C8orf34: variants seen among roughly 807,000 people sequenced by gnomAD.
C8orf34 encodes the protein uncharacterized protein C8orf34.
C8orf34 carries 65 observed loss-of-function variants against 68.3 expected under a neutral mutation model. The observed-to-expected ratio is 0.95, with a 90% CI of 0.78 to 1.17. The LOEUF is 1.17. C8orf34 is among the 50% of genes most tolerant of loss of function. C8orf34 has a pLI of 0.00. For missense variants in C8orf34, 664 were observed against 655.4 expected, an observed-to-expected ratio of 1.01 and a Z score of -0.14; for synonymous variants, 244 against 241.2, an observed-to-expected ratio of 1.01 and a Z score of -0.11.
rs1388904571 is a variant in C8orf34 at position 68,575,981 on chromosome 8, T to C, written c.1105+42832T>C. On this transcript the variant is annotated intron_variant, in intron 7 of 13. Coordinates refer to ENST00000518698, the MANE Select transcript of C8orf34 (RefSeq NM_052958.4). ...GTTTTTTTTTTTTTTTTTTTTTGCC[T>C]TTGCTACTTACCTTTTTTAATACAA... Among the ~76,000 whole-genome samples, 2 of 148,972 alleles carry C rather than the reference T, an allele frequency of 1.3e-5. 1 individual carries two copies. Among genetic ancestry groups the C allele is most frequent in the Non-Finnish European group, 3.0e-5 (2 of 67,158 alleles).
chr8:68,358,215 A>T (rs933369645), intron 1 of C8orf34, among the ~76,000 whole-genome samples: 1 of 152,052 alleles, frequency 6.6e-6, no homozygotes, highest in Non-Finnish European at 1.5e-5. Context: ...TTCTTACTAA[A>T]AAGATTTGTT....
rs1294750792 is a variant in C8orf34, at chr8:68,565,230, G to A, written c.1105+32081G>A. Among the ~76,000 whole-genome samples the A allele has an allele frequency of 7.9e-5, 12 of 152,134 alleles. 1 individual carries two copies. The highest frequency in any genetic ancestry group is 7.9e-4 in the Admixed American group (12 of 15,270). ...TTTTGGGTTTGTCTCTAGCACTGTA[G>A]TCGTGATGTTTTCAGAATTGGATCG... is the stretch of plus-strand genomic sequence containing the variant. On this transcript the variant is annotated intron_variant, in intron 7 of 13. Transcript: ENST00000518698.
chr8:68,741,220 TTAAAA>T (rs1262972231), intron 10 of C8orf34, among the ~76,000 whole-genome samples: 2 of 152,148 alleles, frequency 1.3e-5, no homozygotes, highest in Non-Finnish European at 2.9e-5. Flanking sequence ...ACCCCTGAAC[TTAAAA>T]TAAAAGTTAA....
At chr8:68,526,361 T>A (rs149102164) in intron 6 of C8orf34, among the ~76,000 whole-genome samples, 1 of 152,318 alleles carries the variant, frequency 6.6e-6, no homozygotes, top group African/African-American at 2.4e-5. Context: ...TTATTTAGTA[T>A]TCATTTGCTT....
intron 10 of C8orf34, among the ~76,000 whole-genome samples, chr8:68,763,830 A>C (rs899692736): frequency 2.6e-5 from 4 of 152,206 alleles, no homozygotes; most frequent in Non-Finnish European, 5.9e-5. Context: ...TGGTAAAGAG[A>C]TAGATATGTC....
At chr8:68,427,685 G>A (rs991073680) in intron 1 of C8orf34, among the ~76,000 whole-genome samples, 1 of 151,524 alleles carries the variant, frequency 6.6e-6, no homozygotes, top group Non-Finnish European at 1.5e-5. Context: ...ACACACACAC[G>A]AATGCATATA....
intron 7 of C8orf34, among the ~76,000 whole-genome samples, chr8:68,537,475 T>A (rs1049917292): frequency 1.3e-4 from 20 of 151,396 alleles, no homozygotes; most frequent in Admixed American, 3.3e-4. Flanking sequence ...TTTTTTTTTT[T>A]AAAGAGATCA....
chr8:68,397,103 T>A (rs1272039576), intron 1 of C8orf34, among the ~76,000 whole-genome samples: 1 of 152,014 alleles, frequency 6.6e-6, no homozygotes, highest in Non-Finnish European at 1.5e-5. Context: ...ATCTCCCAAG[T>A]TCAAGCAATT....
Position 68,331,300 on chromosome 8 carries a change from G to T in C8orf34, c.288G>T (p.Gln96His). The change falls in exon 1 of 14, where the codon CAG (glutamine) becomes CAT (histidine). Residue 96 changes from glutamine to histidine, a missense_variant. Physicochemically the swap from Gln to His is conservative, Grantham distance 24. Coordinates refer to ENST00000518698, the MANE Select transcript of C8orf34 (RefSeq NM_052958.4). ...PMASHPQTRIQAYLEKNKIGP... is the reference protein window; with the variant it reads ...PMASHPQTRIHAYLEKNKIGP... Reference sequence around the variant, plus strand: ...CGTCTCATCCGCAAACCCGGATCCAGGCTTACCTGGAGAAGAACAAGATCG... The same window carrying T: ...CGTCTCATCCGCAAACCCGGATCCATGCTTACCTGGAGAAGAACAAGATCG... 1.3e-6 allele frequency: 2 copies of T among 1,536,484 alleles called. No homozygotes were observed. Among genetic ancestry groups the T allele is most frequent in the Non-Finnish European group, 1.7e-6 (2 of 1,146,996 alleles).
chr8:68,370,378 GC>G (rs981497373), intron 1 of C8orf34, among the ~76,000 whole-genome samples: 6 of 152,094 alleles, frequency 3.9e-5, no homozygotes, highest in African/African-American at 1.2e-4. Context: ...CCTGGACTTT[GC>G]TTCTCTGGAA....
intron 7 of C8orf34, among the ~76,000 whole-genome samples, chr8:68,545,091 C>T (rs144580421): frequency 1.4e-4 from 21 of 152,074 alleles, no homozygotes; most frequent in Non-Finnish European, 2.8e-4. Flanking sequence ...TGGCTGTGTC[C>T]CCAACCAAAT....
In C8orf34 at chr8:68,799,940, A is replaced by G. The variant is rs1225047061; in HGVS notation, c.1549+12404A>G. 6.6e-5 allele frequency among the ~76,000 whole-genome samples: 10 copies of G among 152,330 alleles called. No homozygotes were observed. In the East Asian group the frequency reaches 1.7e-3, roughly 26 times the overall value. On this transcript the variant is annotated intron_variant, in intron 12 of 13. Transcript: ENST00000518698. ...AGAAGGTCATATAGGCAAGAACCAC[A>G]GCATGGGCAAGGACACAAAGACAGG...
chr8:68,452,948 A>C (rs1034012736), intron 3 of C8orf34, among the ~76,000 whole-genome samples: 4 of 151,914 alleles, frequency 2.6e-5, no homozygotes, highest in African/African-American at 9.7e-5. Context: ...TGCATATAGC[A>C]GATGATGGGT....
intron 7 of C8orf34, among the ~76,000 whole-genome samples, chr8:68,627,443 A>G (rs1315152083): frequency 6.6e-6 from 1 of 152,182 alleles, no homozygotes; most frequent in African/African-American, 2.4e-5. Flanking sequence ...CTCCCCTGAC[A>G]TGAGTTCACA....
chr8:68,352,379 A>G (rs936837585), intron 1 of C8orf34, among the ~76,000 whole-genome samples: 3 of 150,786 alleles, frequency 2.0e-5, no homozygotes, highest in African/African-American at 4.9e-5. Context: ...AACTGGAAAC[A>G]TGTGCTCTTG....
chr8:68,577,713 G>T (rs115922362), intron 7 of C8orf34, among the ~76,000 whole-genome samples: 31 of 151,860 alleles, frequency 2.0e-4, no homozygotes, highest in African/African-American at 7.0e-4. Context: ...TAACATATAA[G>T]TAAACCCCAC....
At chr8:68,651,779 T>C (rs566641798) in intron 8 of C8orf34, among the ~76,000 whole-genome samples, 6 of 152,100 alleles carry the variant, frequency 3.9e-5, no homozygotes, top group Admixed American at 2.6e-4. Flanking sequence ...GGGTGAGGGA[T>C]GAAAAATTAC....
At chr8:68,538,393 G>T (rs997184954) in intron 7 of C8orf34, among the ~76,000 whole-genome samples, 1 of 151,624 alleles carries the variant, frequency 6.6e-6, no homozygotes, top group Non-Finnish European at 1.5e-5. Flanking sequence ...TAAAGTGCTG[G>T]TGACTACATA....
rs537842072 is a variant in C8orf34 at position 68,429,075 on chromosome 8, A to G, written c.328-10424A>G. 2.6e-5 allele frequency among the ~76,000 whole-genome samples: 4 copies of G among 152,272 alleles called. No homozygotes were observed. In the East Asian group the frequency reaches 7.7e-4, roughly 29 times the overall value. On this transcript the variant is annotated intron_variant, in intron 1 of 13. Coordinates refer to ENST00000518698, the MANE Select transcript of C8orf34 (RefSeq NM_052958.4). ...CCCAAAAGCACAAAGCATAAAATGA[A>G]GAATTAAGTTTGACTTCATTAAAAT...
Sources: allele counts gnomAD v4.1 joint callset (sites outside exome capture counted in the v4.1 genomes callset), GRCh38; gene constraint gnomAD v4.1.1; transcripts MANE v1.5; gene names NCBI Gene and HGNC (gene_info 2026-07-23, HGNC 2026-07-21).